The following C16orf74 variants were observed in gnomAD, a reference collection of about 807,000 sequenced individuals.
The protein encoded by C16orf74 is calcimembrin.
Under a neutral mutation model 6.5 loss-of-function variants are expected in C16orf74, and 10 were observed. That is an observed-to-expected ratio of 1.54 (90% CI 0.95 to 2.61). The LOEUF is 2.61. Ranked by LOEUF, C16orf74 falls within the 30% of genes most tolerant of loss-of-function variation. The pLI is 0.00. For synonymous variants in C16orf74, 60 were observed against 42.5 expected (o/e 1.41, Z -1.60); for missense variants, 141 against 105.9 (o/e 1.33, Z -1.45).
intron 1 of C16orf74, among the ~76,000 whole-genome samples, chr16:85,744,970 C>G (rs957590963): frequency 5.3e-5 from 8 of 150,912 alleles, no homozygotes; most frequent in African/African-American, 2.0e-4. Context: ...GCAGAAAGCC[C>G]ATCTCTACTA....
intron 1 of C16orf74, among the ~76,000 whole-genome samples, chr16:85,744,850 A>AAC (rs397977516): frequency 2.8e-5 from 4 of 141,598 alleles, no homozygotes; most frequent in East Asian, 4.2e-4. Context: ...AAAAAAAAAA[A>AAC]CTCTCCGTCA....
chr16:85,746,425 C>T (rs1274728726), intron 1 of C16orf74, among the ~76,000 whole-genome samples: 2 of 152,168 alleles, frequency 1.3e-5, no homozygotes, highest in Admixed American at 1.3e-4. Flanking sequence ...CTGAATCTGA[C>T]CACTCTATTC....
chr16:85,719,959 A>C (rs74034064), intron 2 of C16orf74, among the ~76,000 whole-genome samples: 3,583 of 152,022 alleles, frequency 0.024, 150 homozygotes, highest in African/African-American at 0.081. Flanking sequence ...GGTGACACTA[A>C]TCCCTCAGAG....
At chr16:85,749,061 G>T (rs192807098) in intron 1 of C16orf74, among the ~76,000 whole-genome samples, 9 of 151,754 alleles carry the variant, frequency 5.9e-5, no homozygotes, top group Admixed American at 5.9e-4. Context: ...GATCACAGGT[G>T]TGAGCCACTG....
At chr16:85,728,599 G>A (rs551653015) in intron 2 of C16orf74, among the ~76,000 whole-genome samples, 8 of 152,298 alleles carry the variant, frequency 5.3e-5, no homozygotes, top group African/African-American at 1.9e-4. Flanking sequence ...CCACTCTAGT[G>A]GGAAAGCCCA....
intron 2 of C16orf74, among the ~76,000 whole-genome samples, chr16:85,728,705 T>G (rs2054158715): frequency 6.6e-6 from 1 of 152,208 alleles, no homozygotes; most frequent in Non-Finnish European, 1.5e-5. Context: ...CCATCTTTAG[T>G]GCCTATCTCA....
chr16:85,727,425 C>T (rs758184526), intron 2 of C16orf74, among the ~76,000 whole-genome samples: 11 of 152,138 alleles, frequency 7.2e-5, no homozygotes, highest in Non-Finnish European at 1.2e-4. Flanking sequence ...CAGCCAAGAG[C>T]CTAAGGAGGT....
At chr16:85,739,663 G>A (rs1388498579) in intron 1 of C16orf74, among the ~76,000 whole-genome samples, 1 of 151,970 alleles carries the variant, frequency 6.6e-6, no homozygotes, top group African/African-American at 2.4e-5. Flanking sequence ...AACCAGTCAT[G>A]GTGGTGCATG....
rs183323781 is a variant in C16orf74 at position 85,711,212 on chromosome 16, C to G, written c.29-905G>C. Among the ~76,000 whole-genome samples, 477 of 150,296 alleles carry G rather than the reference C, an allele frequency of 3.2e-3. 4 individuals are homozygous for G. The highest frequency in any genetic ancestry group is 0.011 in the African/African-American group (447 of 40,810). On this transcript the variant is annotated intron_variant, in intron 2 of 3. Coordinates refer to ENST00000284245, the MANE Select transcript of C16orf74 (RefSeq NM_206967.3). ...ACCTGTAATCCCAGCTACTCAGGAG[C>G]TGAAGCAGGAGGAGAATCACTTAAA...
chr16:85,735,941 A>C, intron 1 of C16orf74, among the ~76,000 whole-genome samples: 1 of 152,142 alleles, frequency 6.6e-6, no homozygotes, highest in Non-Finnish European at 1.5e-5. Context: ...CCCACTTCAC[A>C]GACACAAAAA....
chr16:85,750,211 A>G (rs2054421309), intron 1 of C16orf74, among the ~76,000 whole-genome samples: 1 of 152,024 alleles, frequency 6.6e-6, no homozygotes, highest in Non-Finnish European at 1.5e-5. Context: ...CGGGCTCCAA[A>G]GCCTGTCGAG....
intron 2 of C16orf74, among the ~76,000 whole-genome samples, chr16:85,714,260 C>T (rs1469749747): frequency 6.6e-6 from 1 of 151,988 alleles, no homozygotes; most frequent in East Asian, 1.9e-4. Context: ...CACAGCCACT[C>T]ACTTCCCTCC....
chr16:85,708,953 C>T (rs538725201), intron 3 of C16orf74, among the ~76,000 whole-genome samples: 17 of 152,380 alleles, frequency 1.1e-4, no homozygotes, highest in African/African-American at 4.1e-4. Flanking sequence ...GGACATCCGG[C>T]CTGGGGGCCA....
intron 2 of C16orf74, among the ~76,000 whole-genome samples, chr16:85,730,904 G>C (rs923390512): frequency 2.1e-5 from 3 of 140,398 alleles, no homozygotes; most frequent in African/African-American, 8.1e-5. Flanking sequence ...CAGATCAGCT[G>C]ACTGAACCTC....
intron 2 of C16orf74, among the ~76,000 whole-genome samples, chr16:85,727,188 G>T (rs539036099): frequency 5.3e-5 from 8 of 152,340 alleles, no homozygotes; most frequent in South Asian, 2.1e-4. Context: ...GCAGCTGTCC[G>T]CCAGCAGAGC....
intron 2 of C16orf74, among the ~76,000 whole-genome samples, chr16:85,712,860 C>T (rs751728300): frequency 9.2e-5 from 14 of 152,234 alleles, no homozygotes; most frequent in Admixed American, 2.6e-4. Flanking sequence ...CTTTGTTTGC[C>T]GGGGGCTGTG....
At chr16:85,714,300 C>T (rs989164453) in intron 2 of C16orf74, among the ~76,000 whole-genome samples, 14 of 152,214 alleles carry the variant, frequency 9.2e-5, no homozygotes, top group East Asian at 5.8e-4. Context: ...GACGAGCATC[C>T]GCCCCTCACC....
chr16:85,709,981 G>C (rs1367351280), intron 3 of C16orf74, among the ~76,000 whole-genome samples, 183 bp downstream of exon 3: 1 of 152,256 alleles, frequency 6.6e-6, no homozygotes, highest in Non-Finnish European at 1.5e-5. Context: ...GTCGTGCTGA[G>C]GCTGGCGCCG....
At chr16:85,735,107 G>A (rs2054229527) in intron 2 of C16orf74, 83 bp downstream of exon 2, 2 of 1,247,198 alleles carry the variant, frequency 1.6e-6, no homozygotes, top group Non-Finnish European at 1.1e-6. Context: ...AGGGCAGAGG[G>A]CTTCAACTCC....
Sources: allele counts gnomAD v4.1 joint callset (sites outside exome capture counted in the v4.1 genomes callset), GRCh38; gene constraint gnomAD v4.1.1; transcripts MANE v1.5; gene names NCBI Gene and HGNC (gene_info 2026-07-23, HGNC 2026-07-21).